Variants in GLG1 observed in about 807,000 individuals in gnomAD.
The protein encoded by GLG1 is golgi glycoprotein 1, also known as Golgi apparatus protein 1.
Under a neutral mutation model 160.5 loss-of-function variants are expected in GLG1, and 38 were observed. The observed-to-expected ratio is 0.24, with a 90% CI of 0.18 to 0.31. The LOEUF (loss-of-function observed/expected upper bound fraction) is 0.31, where lower values mean the gene tolerates loss of function less well. Ranked by LOEUF, GLG1 falls within the 10% of genes least tolerant of loss-of-function variation. GLG1 has a pLI of 1.00. For synonymous variants in GLG1, 644 were observed against 543.4 expected, an observed-to-expected ratio of 1.19 and a Z score of -2.57; for missense variants, 1,373 against 1,505.2, an observed-to-expected ratio of 0.91 and a Z score of 1.45.
intron 20 of GLG1, 171 bp downstream of exon 20, chr16:74,463,185 C>T (rs1358407033): frequency 8.1e-6 from 5 of 620,644 alleles, no homozygotes; most frequent in South Asian, 4.3e-5. Context: ...CCTGACTCTC[C>T]CTCCATTTTT....
At chr16:74,574,406 A>G (rs978031038) in intron 1 of GLG1, among the ~76,000 whole-genome samples, 1 of 152,188 alleles carries the variant, frequency 6.6e-6, no homozygotes, top group Non-Finnish European at 1.5e-5. Flanking sequence ...GGGATACTGC[A>G]TTACTCAAAA....
At chr16:74,465,478 T>C (rs1010818308) in intron 19 of GLG1, among the ~76,000 whole-genome samples, 198 bp downstream of exon 19, 3 of 152,182 alleles carry the variant, frequency 2.0e-5, no homozygotes, top group Non-Finnish European at 2.9e-5. Context: ...GCAGACTTCG[T>C]GCTCTACTCC....
chr16:74,576,924 AT>A (rs35963439), intron 1 of GLG1, among the ~76,000 whole-genome samples: 97,488 of 140,874 alleles, frequency 0.69, 33,753 homozygotes, highest in East Asian at 0.8. Flanking sequence ...ACCACTCCTA[AT>A]TTTTTTTTTT....
At chr16:74,522,545 A>AT (rs916537952) in intron 2 of GLG1, among the ~76,000 whole-genome samples, 4 of 151,336 alleles carry the variant, frequency 2.6e-5, no homozygotes, top group East Asian at 3.9e-4. Flanking sequence ...TATCTTACAT[A>AT]TTTTTTTTTA....
chr16:74,561,697 G>T (rs1233347860), intron 1 of GLG1, among the ~76,000 whole-genome samples: 3 of 152,112 alleles, frequency 2.0e-5, no homozygotes, highest in Non-Finnish European at 4.4e-5. Context: ...AATGAACAGT[G>T]CTATGCACCT....
At chr16:74,509,567 T>C (rs922618932) in intron 2 of GLG1, among the ~76,000 whole-genome samples, 1 of 151,706 alleles carries the variant, frequency 6.6e-6, no homozygotes, top group Non-Finnish European at 1.5e-5. Context: ...TAAAAAAAAA[T>C]TGCCAGGCGC....
intron 20 of GLG1, 120 bp downstream of exon 20, chr16:74,463,236 G>C (rs2014869848): frequency 1.1e-6 from 1 of 943,410 alleles, no homozygotes; most frequent in South Asian, 1.6e-5. Context: ...CTTACACTCA[G>C]ACTCCTCCCT....
At chr16:74,553,559 G>A (rs1186052505) in intron 1 of GLG1, among the ~76,000 whole-genome samples, 2 of 138,698 alleles carry the variant, frequency 1.4e-5, no homozygotes, top group Non-Finnish European at 3.0e-5. Flanking sequence ...TGCCAGCTCC[G>A]CTTCCCGGGT....
chr16:74,511,282 G>A (rs2016795064), intron 2 of GLG1, among the ~76,000 whole-genome samples: 1 of 152,110 alleles, frequency 6.6e-6, no homozygotes, highest in Admixed American at 6.6e-5. Flanking sequence ...CACAAAGGAT[G>A]GGTAGGATTT....
chr16:74,455,139 T>C (rs2014483544), intron 25 of GLG1, among the ~76,000 whole-genome samples: 1 of 152,188 alleles, frequency 6.6e-6, no homozygotes, highest in African/African-American at 2.4e-5. Context: ...CAGCTATCTT[T>C]CATCCTCAGT....
rs1034833026 is a variant in GLG1, at chr16:74,510,366, G to A, written c.472-1441C>T. On this transcript the variant is annotated intron_variant, in intron 2 of 25. Transcript: ENST00000422840. ...ACTTTATACAACTGTTTTAACACAT[G>A]TTACACTAGAAAATATCTAAAGCCT... Among the ~76,000 whole-genome samples the A allele has an allele frequency of 5.3e-5, 8 of 152,040 alleles. No homozygotes were observed. In the South Asian group the frequency reaches 6.2e-4, roughly 12 times the overall value.
At chr16:74,546,338 G>T (rs1204283538) in intron 1 of GLG1, among the ~76,000 whole-genome samples, 2 of 151,884 alleles carry the variant, frequency 1.3e-5, no homozygotes, top group African/African-American at 4.8e-5. Context: ...CCTTGGGTGG[G>T]GGGCGCTGAG....
intron 1 of GLG1, among the ~76,000 whole-genome samples, chr16:74,593,509 A>G (rs923962241): frequency 2.1e-5 from 3 of 142,540 alleles, no homozygotes; most frequent in African/African-American, 7.9e-5. Flanking sequence ...ATCTCCGCTC[A>G]CTGCAACCTC....
At chr16:74,512,560 G>A (rs981988586) in intron 2 of GLG1, among the ~76,000 whole-genome samples, 1 of 151,960 alleles carries the variant, frequency 6.6e-6, no homozygotes, top group African/African-American at 2.4e-5. Flanking sequence ...CATCGCGCCT[G>A]GCCTCAAATC....
rs143939084 is a variant in GLG1, at chr16:74,527,341, C to T, written c.471+4780G>A. On this transcript the variant is annotated intron_variant, in intron 2 of 25. Coordinates refer to ENST00000422840, the MANE Select transcript of GLG1 (RefSeq NM_001145667.2). ...CTCGGCTCACTGCAACCTCTACCTC[C>T]CAGATTCAAGTGATTCTCACGCCTT... 2.0e-3 allele frequency among the ~76,000 whole-genome samples: 299 copies of T among 150,260 alleles called. 2 individuals carry two copies. In the East Asian group the frequency reaches 0.051, roughly 25 times the overall value.
At chr16:74,558,702 G>A (rs546583711) in intron 1 of GLG1, among the ~76,000 whole-genome samples, 18 of 152,184 alleles carry the variant, frequency 1.2e-4, no homozygotes, top group South Asian at 2.1e-4. Context: ...CAAAGGATGC[G>A]GAAAGTTTCC....
chr16:74,603,706 A>T (rs893870287), intron 1 of GLG1, among the ~76,000 whole-genome samples: 1 of 152,222 alleles, frequency 6.6e-6, no homozygotes, highest in Non-Finnish European at 1.5e-5. Flanking sequence ...AATGACTGAC[A>T]ACATCAAGCA....
At chr16:74,527,034 T>C (rs2017356891) in intron 2 of GLG1, among the ~76,000 whole-genome samples, 1 of 152,128 alleles carries the variant, frequency 6.6e-6, no homozygotes, top group Non-Finnish European at 1.5e-5. Flanking sequence ...AATCATTATG[T>C]GAAACAAATC....
intron 6 of GLG1, 34 bp downstream of exon 6, chr16:74,494,726 A>G (rs2016124545): frequency 6.0e-6 from 6 of 995,746 alleles, no homozygotes; most frequent in Non-Finnish European, 9.7e-6. Context: ...TAAAAAACAA[A>G]TAAAACATTC....
Sources: gnomAD v4.1 joint callset for allele counts (sites outside exome capture counted in the v4.1 genomes callset) on GRCh38, gnomAD v4.1.1 for gene constraint, MANE v1.5 for transcripts, NCBI Gene and HGNC (gene_info 2026-07-23, HGNC 2026-07-21) for gene names.